The following UFL1 variants were observed in gnomAD, a reference collection of about 807,000 sequenced individuals.
UFL1 encodes E3 UFM1-protein ligase 1.
In UFL1, 78 loss-of-function variants were observed where a neutral mutation model predicts 99.3. The observed-to-expected ratio is 0.79, with a 90% CI of 0.65 to 0.95. The LOEUF (loss-of-function observed/expected upper bound fraction) is 0.95, where lower values mean the gene tolerates loss of function less well. Among genes scored for constraint, UFL1 ranks in the 40% least tolerant of loss-of-function variants. The probability of loss-of-function intolerance (pLI) is 0.00; values close to 1 mark genes in which losing one functional copy is unlikely to be tolerated. For synonymous variants in UFL1, 335 were observed against 322.2 expected (o/e 1.04, Z -0.42); for missense variants, 936 against 937.0 (o/e 1.00, Z 0.01).
At chr6:96,546,826 A>G (rs1428047885) in intron 12 of UFL1, among the ~76,000 whole-genome samples, 2 of 151,526 alleles carry the variant, frequency 1.3e-5, no homozygotes, top group African/African-American at 4.8e-5. Context: ...ATCTCGTCAT[A>G]CACAAAAATC....
intron 5 of UFL1, among the ~76,000 whole-genome samples, chr6:96,526,833 A>G (rs1046823313): frequency 6.6e-6 from 1 of 152,194 alleles, no homozygotes; most frequent in South Asian, 2.1e-4. Context: ...TAATTGATGA[A>G]GATAATTTAT....
At chr6:96,548,953 T>G (rs1403499336) in intron 13 of UFL1, among the ~76,000 whole-genome samples, 3 of 151,682 alleles carry the variant, frequency 2.0e-5, no homozygotes, top group Non-Finnish European at 4.4e-5. Flanking sequence ...ATAAATGTAT[T>G]ACAGAATTAT....
intron 16 of UFL1, 126 bp from the exon 17 acceptor site, chr6:96,551,712 T>G: frequency 1.3e-6 from 1 of 759,682 alleles, no homozygotes; most frequent in Non-Finnish European, 2.1e-6. Flanking sequence ...ATTTCTAACT[T>G]AATGAGAAAG....
Position 96,536,377 on chromosome 6 carries a change from G to C in UFL1, c.789G>C (p.Gln263His). The change falls in exon 8 of 19, where the codon CAG becomes CAC. Residue 263 changes from glutamine to histidine, a missense_variant. Gln to His is a conservative substitution (Grantham distance 24, BLOSUM62 0). Coordinates refer to ENST00000369278, the MANE Select transcript of UFL1 (RefSeq NM_015323.5). The part of the protein sequence containing the change: ...QSTWVDSFFR[Q>H]NGYLEFDALS... ...CTTGGGTGGATTCCTTTTTCAGGCA[G>C]AATGGCTATCTAGGTAACTTTCTTA... The C allele has an allele frequency of 6.2e-7, 1 of 1,601,842 alleles. No individual in the cohort carries two copies. The highest frequency in any genetic ancestry group is 1.7e-5 in the Admixed American group (1 of 59,644).
At chr6:96,525,537 T>C in intron 4 of UFL1, 143 bp downstream of exon 4, 1 of 689,234 alleles carries the variant, frequency 1.5e-6, no homozygotes, top group Non-Finnish European at 2.5e-6. Context: ...TAAGGTTTAT[T>C]TCACTTAAAA....
intron 4 of UFL1, among the ~76,000 whole-genome samples, chr6:96,525,970 C>T (rs1181134222): frequency 6.6e-6 from 1 of 151,746 alleles, no homozygotes; most frequent in Non-Finnish European, 1.5e-5. Context: ...CCTGTAGTCC[C>T]AGCTACTCAG....
Position 96,542,978 on chromosome 6 carries a change from A to T in UFL1, c.1364A>T (p.Asp455Val), listed in dbSNP as rs1171565314. Residue 455 changes from aspartate to valine, a missense_variant, in exon 12 of 19, where the codon GAT becomes GTT. Asp to Val is a radical substitution (Grantham distance 152). Transcript: ENST00000369278. ...IKKVKKKGRK[D>V]DDSDDESQSS... ...AAAGTCAAGAAGAAAGGAAGAAAAG[A>T]TGATGATAGTGATGATGAATCTCAA... 1 of 1,599,096 alleles carries T rather than the reference A, an allele frequency of 6.3e-7. No individual in the cohort carries two copies. The highest frequency in any genetic ancestry group is 8.5e-7 in the Non-Finnish European group (1 of 1,172,100).
In UFL1 at chr6:96,552,629, G is replaced by T. The variant is rs1442241967; in HGVS notation, c.2133G>T (p.Gln711His). ...MLHAPGRCVP[Q>H]IIAFLNSKIP... is the part of the protein sequence containing the mutation. ...ATGCACCTGGAAGATGTGTCCCACA[G>T]ATCATTGCTTTTCTTAATAGTAAAA... Residue 711 changes from glutamine (Q) to histidine (H), a missense_variant, in exon 18 of 19, where the codon CAG becomes CAT. By Grantham distance (24) the Gln-to-His change is conservative. Coordinates refer to ENST00000369278, the MANE Select transcript of UFL1 (RefSeq NM_015323.5). 1 of 1,602,586 alleles carries T rather than the reference G, an allele frequency of 6.2e-7. No homozygotes were observed. Among genetic ancestry groups the T allele is most frequent in the Non-Finnish European group, 8.5e-7 (1 of 1,177,004 alleles).
chr6:96,542,046 C>T lies in UFL1; in HGVS notation c.1280-848C>T, dbSNP rs190945237. ...TAATCACTTTATTTTATTAAAAAGA[C>T]TAATCTTTTACTTATTTTGAAGTAA... On this transcript the variant is annotated intron_variant, in intron 11 of 18. Transcript: ENST00000369278. Among the ~76,000 whole-genome samples, 1,394 of 151,122 alleles carry T rather than the reference C, an allele frequency of 9.2e-3. 20 individuals carry two copies. Among genetic ancestry groups the T allele is most frequent in the African/African-American group, 0.032 (1,334 of 41,352 alleles).
At chr6:96,527,822 A>G (rs1397296451) in intron 5 of UFL1, among the ~76,000 whole-genome samples, 2 of 152,202 alleles carry the variant, frequency 1.3e-5, no homozygotes, top group Non-Finnish European at 2.9e-5. Flanking sequence ...ACATTTTTCT[A>G]TATCATAAAA....
At chr6:96,534,376 G>T in intron 7 of UFL1, 55 bp downstream of exon 7, 1 of 1,263,292 alleles carries the variant, frequency 7.9e-7, no homozygotes. Context: ...GACTATTAAT[G>T]TAAAACTTAC....
Position 96,548,164 on chromosome 6 carries a change from GA to G in UFL1, c.1406del (p.Lys469ArgfsTer18), listed in dbSNP as rs746282678. ...TTGCCATTGCTCATGTCCGATATAG[GA>G]AAGAAGAAGCCAGAGATCAGTTTTA... ...SDDESQSSHT[G>X]KKKPEISFMF... On this transcript the variant is annotated frameshift_variant and splice_region_variant, in exon 13 of 19. Coordinates refer to ENST00000369278, the MANE Select transcript of UFL1 (RefSeq NM_015323.5). LOFTEE classifies it high-confidence loss of function. 1 of 1,576,980 alleles carries G rather than the reference GA, an allele frequency of 6.3e-7. No individual in the cohort carries two copies. The highest frequency in any genetic ancestry group is 8.6e-7 in the Non-Finnish European group (1 of 1,160,872).
rs1392860071 is a variant in UFL1 at position 96,554,965 on chromosome 6, T to A, written c.*1462T>A. 2.0e-5 allele frequency: 3 copies of A among 152,608 alleles called. No homozygotes were observed. Among genetic ancestry groups the A allele is most frequent in the Non-Finnish European group, 2.9e-5 (2 of 68,010 alleles). The allele number at this position is 152,608 out of a possible 1,614,324, so 9.5% of individuals were successfully genotyped here. On this transcript the variant is annotated 3_prime_UTR_variant, in exon 19 of 19. Transcript: ENST00000369278. The stretch of plus-strand genomic sequence containing the variant: ...ATTCAACCTTTAAGAACCTTATCAT[T>A]TATGTTTCAGTAGATATCAAAGTAA...
chr6:96,552,643 T>C lies in UFL1; in HGVS notation c.2147T>C (p.Leu716Pro), dbSNP rs759419965. The C allele has an allele frequency of 1.3e-6, 2 of 1,595,974 alleles. No homozygotes were observed. The highest frequency in any genetic ancestry group is 1.7e-6 in the Non-Finnish European group (2 of 1,175,152). ...GRCVPQIIAF[L>P]NSKIPEDQHA... is the part of the protein sequence containing the mutation. ...TGTGTCCCACAGATCATTGCTTTTC[T>C]TAATAGTAAAATTCCAGAGGTATTA... Residue 716 changes from leucine (L) to proline (P), a missense_variant, in exon 18 of 19, where the codon CTT becomes CCT. Physicochemically the swap from Leu to Pro is moderately conservative, Grantham distance 98. Transcript: ENST00000369278.
In UFL1 at chr6:96,553,278, T is replaced by G. The variant is rs759418608; in HGVS notation, c.2167-7T>G. ...GTGTTGATTAACTTTTCTTTCCCTTTTCACAGGATCAGCATGCTCTTTTGG... is the reference window on the plus strand; with the variant it reads ...GTGTTGATTAACTTTTCTTTCCCTTGTCACAGGATCAGCATGCTCTTTTGG... On this transcript the variant is annotated splice_region_variant and splice_polypyrimidine_tract_variant and intron_variant, in intron 18 of 18. Coordinates refer to ENST00000369278, the MANE Select transcript of UFL1 (RefSeq NM_015323.5). 3.7e-6 allele frequency: 6 copies of G among 1,608,472 alleles called. No homozygotes were observed. In the Admixed American group the frequency reaches 1.0e-4, roughly 28 times the overall value.
chr6:96,548,358 TAGAA>T (rs1770030309), intron 13 of UFL1, 77 bp downstream of exon 13: 1 of 937,398 alleles, frequency 1.1e-6, no homozygotes, highest in Non-Finnish European at 1.6e-6. Flanking sequence ...TCCAAGATCA[TAGAA>T]AGCAAATGTA....
intron 12 of UFL1, among the ~76,000 whole-genome samples, chr6:96,545,739 A>G (rs1562255860): frequency 6.6e-6 from 1 of 151,262 alleles, no homozygotes; most frequent in Non-Finnish European, 1.5e-5. Flanking sequence ...CAAAGGGGAA[A>G]ACTCTTTATT....
At chr6:96,531,493 C>A (rs1269062534) in intron 6 of UFL1, among the ~76,000 whole-genome samples, 1 of 152,180 alleles carries the variant, frequency 6.6e-6, no homozygotes, top group Non-Finnish European at 1.5e-5. Context: ...GCTACTGCAG[C>A]TCCCTTTCTC....
At chr6:96,535,984 C>T (rs1414173722) in intron 7 of UFL1, among the ~76,000 whole-genome samples, 2 of 151,986 alleles carry the variant, frequency 1.3e-5, no homozygotes, top group African/African-American at 4.8e-5. Flanking sequence ...TCAGTGTTAA[C>T]ATTAACTAGC....
Sources: allele counts gnomAD v4.1 joint callset (sites outside exome capture counted in the v4.1 genomes callset), GRCh38; gene constraint gnomAD v4.1.1; transcripts MANE v1.5; gene names NCBI Gene and HGNC (gene_info 2026-07-23, HGNC 2026-07-21).